The following KATNBL1 variants were observed in gnomAD, a reference collection of about 807,000 sequenced individuals.
The protein encoded by KATNBL1 is KATNB1-like protein 1.
Under a neutral mutation model 44.7 loss-of-function variants are expected in KATNBL1, and 28 were observed. The observed-to-expected ratio is 0.63, with a 90% CI of 0.46 to 0.86. The LOEUF (loss-of-function observed/expected upper bound fraction) is 0.86. Ranked by LOEUF, KATNBL1 falls within the 40% of genes least tolerant of loss-of-function variation. The pLI is 0.00. For synonymous variants in KATNBL1, 78 were observed against 114.9 expected, an observed-to-expected ratio of 0.68 and a Z score of 2.06; for missense variants, 272 against 350.7, an observed-to-expected ratio of 0.78 and a Z score of 1.79.
At chr15:34,158,234 A>G (rs771931816) in intron 2 of KATNBL1, among the ~76,000 whole-genome samples, 8 of 152,324 alleles carry the variant, frequency 5.3e-5, no homozygotes, top group East Asian at 3.9e-4. Flanking sequence ...GAGGTCCCCA[A>G]TGAGTCTCTT....
At chr15:34,178,689 G>A (rs1889415550) in intron 1 of KATNBL1, among the ~76,000 whole-genome samples, 1 of 150,830 alleles carries the variant, frequency 6.6e-6, no homozygotes, top group South Asian at 2.1e-4. Context: ...CCAGGAGGCG[G>A]AGCTTGCAGT....
chr15:34,143,688 G>A (rs1888218647), intron 9 of KATNBL1, among the ~76,000 whole-genome samples: 3 of 150,602 alleles, frequency 2.0e-5, no homozygotes, highest in Non-Finnish European at 2.9e-5. Flanking sequence ...AGTGGCTCAC[G>A]CCTGTAATCC....
Position 34,144,576 on chromosome 15 carries a change from C to CT in KATNBL1, c.882+821dup, listed in dbSNP as rs1202455212. On this transcript the variant is annotated intron_variant, in intron 9 of 9. Transcript: ENST00000256544. ...TTTTAACTACTAATGTTTTTTCTTTCTTTTTTTTTTTTGAGACGGAGTTTC... is the reference window on the plus strand; with the variant it reads ...TTTTAACTACTAATGTTTTTTCTTTCTTTTTTTTTTTTTGAGACGGAGTTTC... 6.2e-3 allele frequency among the ~76,000 whole-genome samples: 897 copies of CT among 144,620 alleles called. 9 individuals are homozygous for CT. Among genetic ancestry groups the CT allele is most frequent in the African/African-American group, 0.018 (720 of 39,884 alleles). 94.9% of individuals were successfully genotyped at this position (144,620 alleles called of 152,430 possible). A position where few individuals can be genotyped will look rare whatever the true frequency, so the allele number is the denominator to read the frequency against.
intron 2 of KATNBL1, among the ~76,000 whole-genome samples, chr15:34,159,501 A>C (rs1337577985): frequency 1.3e-5 from 2 of 152,296 alleles, no homozygotes; most frequent in Admixed American, 1.3e-4. Context: ...AGGGTTCAAG[A>C]AGCTCATCAT....
intron 1 of KATNBL1, among the ~76,000 whole-genome samples, chr15:34,173,595 T>A (rs367628166): frequency 6.6e-6 from 1 of 152,120 alleles, no homozygotes; most frequent in African/African-American, 2.4e-5. Context: ...ACAGGATATA[T>A]GGAAGGTATT....
At chr15:34,199,144 A>ATTCTT (rs1280925347) in intron 1 of KATNBL1, among the ~76,000 whole-genome samples, 2 of 152,240 alleles carry the variant, frequency 1.3e-5, no homozygotes, top group Non-Finnish European at 2.9e-5. Flanking sequence ...CCTATTAAGA[A>ATTCTT]AACAGATTTA....
At position 34,176,961 on chromosome 15, in the gene KATNBL1, G is replaced by C. The variant is rs137966779; in HGVS notation, c.-14-13271C>G. 3.4e-3 allele frequency among the ~76,000 whole-genome samples: 510 copies of C among 152,198 alleles called. 7 individuals are homozygous for C. Among genetic ancestry groups the C allele is most frequent in the African/African-American group, 0.011 (471 of 41,532 alleles). ...GGTCAGGCCTCTATGCGCTTTTGAA[G>C]TGCTATTTGATAATACACAAAAAAG... On this transcript the variant is annotated intron_variant, in intron 1 of 9. Coordinates refer to ENST00000256544, the MANE Select transcript of KATNBL1 (RefSeq NM_024713.3).
intron 1 of KATNBL1, among the ~76,000 whole-genome samples, chr15:34,181,611 T>C (rs1050319638): frequency 2.2e-5 from 3 of 135,758 alleles, no homozygotes; most frequent in African/African-American, 7.8e-5. Context: ...TATGTCCATA[T>C]ATATACACAT....
chr15:34,148,482 G>A lies in KATNBL1; in HGVS notation c.557+150C>T, dbSNP rs932932277. The A allele has an allele frequency of 5.5e-6, 3 of 544,402 alleles. No homozygotes were observed. In the African/African-American group the frequency reaches 5.8e-5, roughly 11 times the overall value. The allele number at this position is 544,402 out of a possible 1,614,324, so 33.7% of individuals were successfully genotyped here. ...GTGCACCTGTACTCTCAGCTACTCA[G>A]GAGGCTGAGGTGGGAGGGCTGCTTG... On this transcript the variant is annotated intron_variant, in intron 5 of 9. Coordinates refer to ENST00000256544, the MANE Select transcript of KATNBL1 (RefSeq NM_024713.3).
chr15:34,171,648 G>A (rs1265841266), intron 1 of KATNBL1, among the ~76,000 whole-genome samples: 3 of 152,168 alleles, frequency 2.0e-5, no homozygotes, highest in Admixed American at 6.5e-5. Flanking sequence ...TATGTTTATT[G>A]CAGCACTATT....
chr15:34,177,346 A>G (rs1421829888), intron 1 of KATNBL1, among the ~76,000 whole-genome samples: 1 of 152,184 alleles, frequency 6.6e-6, no homozygotes, highest in Non-Finnish European at 1.5e-5. Context: ...GCCAAATCAA[A>G]GGATTAAACA....
intron 8 of KATNBL1, chr15:34,145,750 T>C (rs1176198869): frequency 5.5e-6 from 1 of 180,652 alleles, no homozygotes; most frequent in Non-Finnish European, 1.1e-5. Flanking sequence ...ATTTAATTAA[T>C]TCTTGGAAAC....
chr15:34,150,503 AG>A (rs1464476761), intron 4 of KATNBL1, among the ~76,000 whole-genome samples: 2 of 152,154 alleles, frequency 1.3e-5, no homozygotes, highest in Non-Finnish European at 2.9e-5. Context: ...CTGAGGTGGG[AG>A]GATTGCTTGA....
intron 1 of KATNBL1, among the ~76,000 whole-genome samples, chr15:34,206,375 T>C (rs73384011): frequency 0.19 from 28,265 of 152,152 alleles, 3,157 homozygotes; most frequent in African/African-American, 0.32. Context: ...CTCATTATGC[T>C]CCAAGAACAA....
At chr15:34,151,543 C>A (rs985464671) in intron 4 of KATNBL1, among the ~76,000 whole-genome samples, 1 of 142,712 alleles carries the variant, frequency 7.0e-6, no homozygotes, top group Non-Finnish European at 1.5e-5. Flanking sequence ...CCTTTGCCTC[C>A]CGGGTTCAAG....
At chr15:34,165,309 A>G (rs1888931666) in intron 1 of KATNBL1, among the ~76,000 whole-genome samples, 1 of 151,180 alleles carries the variant, frequency 6.6e-6, no homozygotes, top group Non-Finnish European at 1.5e-5. Context: ...ACAATGCTAC[A>G]ATGTGAGATT....
chr15:34,201,597 G>A (rs767063904), intron 1 of KATNBL1, among the ~76,000 whole-genome samples: 3 of 152,112 alleles, frequency 2.0e-5, no homozygotes, highest in African/African-American at 4.8e-5. Context: ...GACTTCTTAC[G>A]CCTAGAAGTA....
intron 9 of KATNBL1, among the ~76,000 whole-genome samples, chr15:34,144,364 T>G (rs991937637): frequency 6.6e-6 from 1 of 151,848 alleles, no homozygotes; most frequent in African/African-American, 2.4e-5. Flanking sequence ...GAAGTTGTTT[T>G]GTCTCCGAGA....
At chr15:34,175,498 A>G (rs1333774048) in intron 1 of KATNBL1, among the ~76,000 whole-genome samples, 2 of 152,184 alleles carry the variant, frequency 1.3e-5, no homozygotes, top group Non-Finnish European at 2.9e-5. Context: ...ACCCTTTCAT[A>G]TGGGAGACAT....
Sources: allele counts gnomAD v4.1 joint callset (sites outside exome capture counted in the v4.1 genomes callset), GRCh38; gene constraint gnomAD v4.1.1; transcripts MANE v1.5; gene names NCBI Gene and HGNC (gene_info 2026-07-23, HGNC 2026-07-21).